MIDEAS: variants seen among roughly 807,000 people sequenced by gnomAD.
MIDEAS encodes the protein mitotic deacetylase-associated SANT domain protein.
In MIDEAS, 26 loss-of-function variants were observed where a neutral mutation model predicts 102.7. The observed-to-expected ratio is 0.25, with a 90% CI of 0.19 to 0.35. MIDEAS has a LOEUF of 0.35. Among genes scored for constraint, MIDEAS ranks in the 10% least tolerant of loss-of-function variants. MIDEAS has a pLI of 1.00. For synonymous variants in MIDEAS, 585 were observed against 591.0 expected (o/e 0.99, Z 0.15); for missense variants, 1,231 against 1,435.6 (o/e 0.86, Z 2.30).
At chr14:73,724,725 T>C (rs1360681978) in intron 9 of MIDEAS, 1 of 158,890 alleles carries the variant, frequency 6.3e-6, no homozygotes, top group African/African-American at 2.4e-5. Context: ...GAGACAGGGC[T>C]GGAAAGATGC....
upstream of MIDEAS, among the ~76,000 whole-genome samples, chr14:73,761,427 TTTGC>T (rs1438076415): frequency 2.0e-5 from 3 of 152,194 alleles, no homozygotes; most frequent in African/African-American, 7.2e-5. Context: ...CTTCCACCTC[TTTGC>T]TGGCTGGAGC....
chr14:73,727,628 C>CA, intron 4 of MIDEAS, 104 bp from the exon 5 acceptor site: 1 of 1,126,630 alleles, frequency 8.9e-7, no homozygotes, highest in Non-Finnish European at 1.2e-6. Flanking sequence ...TGGTGACACA[C>CA]AGAGCTCACG....
In MIDEAS at chr14:73,719,301, T is replaced by A. The variant is rs958492151; in HGVS notation, c.3134+4A>T. ...CCCAGCGGGGACAGCGCTGCCCACC[T>A]TACCTGCCACATTTTTTACAGGGGA... On this transcript the variant is annotated splice_donor_region_variant and intron_variant, in intron 12 of 12. Transcript: ENST00000423556. The A allele has an allele frequency of 2.2e-6, 3 of 1,386,532 alleles. No individual in the cohort carries two copies. Among genetic ancestry groups the A allele is most frequent in the Admixed American group, 2.0e-5 (1 of 50,314 alleles). The allele number at this position is 1,386,532 out of a possible 1,614,324, so 85.9% of individuals were successfully genotyped here.
intron 3 of MIDEAS, among the ~76,000 whole-genome samples, chr14:73,734,813 G>C (rs2140115691): frequency 6.6e-6 from 1 of 152,258 alleles, no homozygotes; most frequent in East Asian, 1.9e-4. Flanking sequence ...CCTTTCTGTA[G>C]GGCTTAGTTC....
In MIDEAS at chr14:73,717,539, T is replaced by C. The variant is rs2052910369; in HGVS notation, c.*1304A>G. On this transcript the variant is annotated 3_prime_UTR_variant, in exon 13 of 13. Transcript: ENST00000423556. ...GGTGACACCCTCCACCTTCCCACGC[T>C]CTTTCAGTGTTGCTATCATTCCTAT... 1 of 152,584 alleles carries C rather than the reference T, an allele frequency of 6.6e-6. No homozygotes were observed. The highest frequency in any genetic ancestry group is 2.4e-5 in the African/African-American group (1 of 41,428). 9.5% of individuals were successfully genotyped at this position (152,584 alleles called of 1,614,324 possible). A position where few individuals can be genotyped will look rare whatever the true frequency, so the allele number is the denominator to read the frequency against.
intron 9 of MIDEAS, chr14:73,723,992 C>T (rs779463748): frequency 1.2e-4 from 18 of 152,236 alleles, no homozygotes; most frequent in Non-Finnish European, 1.5e-4. Context: ...AGGCCTAAGT[C>T]TTCCTCCTGA....
Position 73,738,670 on chromosome 14 carries a change from G to A in MIDEAS, c.1339C>T (p.Arg447Trp), listed in dbSNP as rs191518649. Residue 447 changes from arginine to tryptophan, a missense_variant, in exon 2 of 13, where the codon CGG becomes TGG. Physicochemically the swap from Arg to Trp is moderately radical, Grantham distance 101 (BLOSUM62 -3). Coordinates refer to ENST00000423556, the MANE Select transcript of MIDEAS (RefSeq NM_001367710.1). ...CGCGTGCTCTGGATCACTCCGCCCC[G>A]TAGCACCTGCCCACAGTCCCCTGTG... Reference protein sequence around the residue: ...VSTGDCGQVLRGGVIQSTRRR... With the variant: ...VSTGDCGQVLWGGVIQSTRRR... 1.1e-5 allele frequency: 17 copies of A among 1,613,796 alleles called. No individual in the cohort carries two copies. The highest frequency in any genetic ancestry group is 6.7e-5 in the East Asian group (3 of 44,876).
intron 9 of MIDEAS, chr14:73,723,182 T>A: frequency 5.7e-6 from 1 of 175,316 alleles, no homozygotes; most frequent in Non-Finnish European, 1.2e-5. Context: ...TCTCGCTCTG[T>A]CACTCAGGCT....
At chr14:73,730,687 C>T (rs920161890) in intron 3 of MIDEAS, among the ~76,000 whole-genome samples, 6 of 149,816 alleles carry the variant, frequency 4.0e-5, no homozygotes, top group African/African-American at 1.0e-4. Flanking sequence ...TGGACAAGGC[C>T]GGGCGTGGTA....
chr14:73,739,163 C>G lies in MIDEAS; in HGVS notation c.846G>C (p.Ser282=). The change falls in exon 2 of 13, where the codon TCG becomes TCC. Residue 282 remains serine (S), a synonymous_variant. Transcript: ENST00000423556. ...GCAGGCCAAAGTCCTGGGGTTGCTG[C>G]GAGGGTTGCTGCGGCATGGAATAGA... The part of the protein sequence containing the change: ...ENFYSMPQQP[S]QQPQDFGLQP... The G allele has an allele frequency of 6.2e-7, 1 of 1,613,790 alleles. No homozygotes were observed. The highest frequency in any genetic ancestry group is 2.2e-5 in the East Asian group (1 of 44,878).
intron 1 of MIDEAS, among the ~76,000 whole-genome samples, chr14:73,772,420 C>T (rs558128750): frequency 7.2e-5 from 11 of 152,296 alleles, no homozygotes; most frequent in South Asian, 2.1e-4. Context: ...TTTTTATGCA[C>T]TTATGCAATT....
upstream of MIDEAS, among the ~76,000 whole-genome samples, chr14:73,763,321 G>C (rs1412032508): frequency 6.6e-6 from 1 of 152,198 alleles, no homozygotes; most frequent in African/African-American, 2.4e-5. Context: ...CTGGGTGACA[G>C]GGTGAGACGT....
chr14:73,717,610 G>C lies in MIDEAS; in HGVS notation c.*1233C>G, dbSNP rs1329965994. On this transcript the variant is annotated 3_prime_UTR_variant, in exon 13 of 13. Coordinates refer to ENST00000423556, the MANE Select transcript of MIDEAS (RefSeq NM_001367710.1). ...ACCAGGTGAGGGACCTTAGGGCCTTGGGAATTTAGGGGGTGGGGATAGGGG... is the reference window on the plus strand; with the variant it reads ...ACCAGGTGAGGGACCTTAGGGCCTTCGGAATTTAGGGGGTGGGGATAGGGG... 3.9e-5 allele frequency: 6 copies of C among 152,646 alleles called. No homozygotes were observed. Among genetic ancestry groups the C allele is most frequent in the Admixed American group, 2.6e-4 (4 of 15,282 alleles). 9.5% of individuals were successfully genotyped at this position (152,646 alleles called of 1,614,324 possible). A position where few individuals can be genotyped will look rare whatever the true frequency, so the allele number is the denominator to read the frequency against.
At chr14:73,757,390 TAA>T (rs1566602337) in intron 1 of MIDEAS, among the ~76,000 whole-genome samples, 1 of 151,240 alleles carries the variant, frequency 6.6e-6, no homozygotes, top group Non-Finnish European at 1.5e-5. Context: ...TTACGTATAC[TAA>T]CTCACAGAAT....
chr14:73,786,539 T>C (rs1012587405), intron 1 of MIDEAS, among the ~76,000 whole-genome samples: 4 of 152,212 alleles, frequency 2.6e-5, no homozygotes, highest in Non-Finnish European at 5.9e-5. Context: ...GAGCGATTCA[T>C]TTCAAGGGGG....
At chr14:73,727,110 G>A (rs1047040681) in intron 5 of MIDEAS, 138 bp from the exon 6 acceptor site, 2 of 1,144,540 alleles carry the variant, frequency 1.7e-6, no homozygotes, top group Non-Finnish European at 2.4e-6. Flanking sequence ...CTGGCTTCTA[G>A]GGGCTTGGGA....
chr14:73,773,877 C>T (rs1003188476), intron 1 of MIDEAS, among the ~76,000 whole-genome samples: 7 of 151,648 alleles, frequency 4.6e-5, no homozygotes, highest in Non-Finnish European at 7.4e-5. Context: ...CAAAAATGAG[C>T]TGGGCATGGT....
At chr14:73,746,926 C>T (rs2053360056) in intron 1 of MIDEAS, among the ~76,000 whole-genome samples, 1 of 152,136 alleles carries the variant, frequency 6.6e-6, no homozygotes, top group South Asian at 2.1e-4. Flanking sequence ...GACAGAGAAA[C>T]AGAAACACAC....
At position 73,726,628 on chromosome 14, in the gene MIDEAS, C is replaced by G; in HGVS notation, c.2385G>C (p.Leu795=). The G allele has an allele frequency of 6.2e-7, 1 of 1,614,206 alleles. No homozygotes were observed. The highest frequency in any genetic ancestry group is 8.5e-7 in the Non-Finnish European group (1 of 1,180,032). ...GTNQELALHC[L]HESRGDILET... ...CCAGGATGTCTCCTCTGGATTCGTG[C>G]AGACAGTGCAGGGCCAGCTCCTGGT... The change falls in exon 7 of 13, where the codon CTG becomes CTC. Residue 795 remains leucine (L), a synonymous_variant. Coordinates refer to ENST00000423556, the MANE Select transcript of MIDEAS (RefSeq NM_001367710.1).
Sources: gnomAD v4.1 joint callset for allele counts (sites outside exome capture counted in the v4.1 genomes callset) on GRCh38, gnomAD v4.1.1 for gene constraint, MANE v1.5 for transcripts, NCBI Gene and HGNC (gene_info 2026-07-23, HGNC 2026-07-21) for gene names.